The following TAFA4 variants were observed in gnomAD, a reference collection of about 807,000 sequenced individuals.
TAFA4 encodes chemokine-like protein TAFA-4.
TAFA4 carries 20 observed loss-of-function variants against 21.1 expected under a neutral mutation model. That is an observed-to-expected ratio of 0.95 (90% CI 0.67 to 1.38). The LOEUF (loss-of-function observed/expected upper bound fraction) is 1.38. TAFA4 is among the 40% of genes most tolerant of loss of function. TAFA4 has a pLI of 0.00. For missense variants in TAFA4, 211 were observed against 180.9 expected (o/e 1.17, Z -0.95); for synonymous variants, 71 against 67.4 (o/e 1.05, Z -0.26).
intron 1 of TAFA4, among the ~76,000 whole-genome samples, chr3:68,901,941 G>A (rs531466797): frequency 1.1e-4 from 16 of 152,272 alleles, no homozygotes; most frequent in East Asian, 5.8e-4. Context: ...ACCAGGGTCC[G>A]TCCAATGTTC....
At chr3:68,735,706 T>C (rs1271968453) in intron 5 of TAFA4, among the ~76,000 whole-genome samples, 1 of 152,032 alleles carries the variant, frequency 6.6e-6, no homozygotes, top group Admixed American at 6.6e-5. Context: ...AATTTTCCAA[T>C]ATGAAATATT....
rs1326480650 is a variant in TAFA4, at chr3:68,907,863, GTAAGCATCA to G, written c.-122-22562_-122-22554del. Among the ~76,000 whole-genome samples the G allele has an allele frequency of 3.9e-5, 6 of 152,346 alleles. No individual in the cohort carries two copies. In the East Asian group the frequency reaches 1.2e-3, roughly 29 times the overall value. On this transcript the variant is annotated intron_variant, in intron 1 of 5. Transcript: ENST00000295569. ...TACAAGTTGTGCCAATCACATATCA[GTAAGCATCA>G]TGCCAATCCCAGACAGACTGCTGTA...
chr3:68,758,379 G>C (rs1445097101), intron 3 of TAFA4, among the ~76,000 whole-genome samples: 1 of 152,182 alleles, frequency 6.6e-6, no homozygotes, highest in Non-Finnish European at 1.5e-5. Context: ...GGAGGTAATT[G>C]ACTCATGGGC....
At chr3:68,780,746 C>A (rs1449340623) in intron 3 of TAFA4, among the ~76,000 whole-genome samples, 1 of 152,084 alleles carries the variant, frequency 6.6e-6, no homozygotes, top group Admixed American at 6.5e-5. Context: ...AATACAGAGA[C>A]CTTAAAACTT....
At chr3:68,797,225 A>C (rs1452236777) in intron 3 of TAFA4, among the ~76,000 whole-genome samples, 2 of 152,218 alleles carry the variant, frequency 1.3e-5, no homozygotes, top group Non-Finnish European at 2.9e-5. Flanking sequence ...TTATTGCAAT[A>C]GCCAAAAGAC....
At chr3:68,784,508 G>A (rs531157455) in intron 3 of TAFA4, among the ~76,000 whole-genome samples, 200 of 152,146 alleles carry the variant, frequency 1.3e-3, no homozygotes, top group African/African-American at 4.4e-3. Context: ...CAGCTCTTAA[G>A]GCGGTGCCTC....
chr3:68,914,614 G>A (rs554251269), intron 1 of TAFA4, among the ~76,000 whole-genome samples: 10 of 152,236 alleles, frequency 6.6e-5, no homozygotes, highest in East Asian at 1.9e-4. Flanking sequence ...CATCAAACTC[G>A]TTATTAAGAT....
At chr3:68,753,139 G>T in intron 3 of TAFA4, 121 bp from the exon 4 acceptor site, 2 of 832,508 alleles carry the variant, frequency 2.4e-6, no homozygotes, top group Non-Finnish European at 3.7e-6. Flanking sequence ...ATGAGTCTTT[G>T]TAACATTTTA....
chr3:68,761,339 CA>C (rs530320825), intron 3 of TAFA4, among the ~76,000 whole-genome samples: 8,568 of 144,852 alleles, frequency 0.059, 275 homozygotes, highest in Middle Eastern at 0.072. Flanking sequence ...AAAAAATGAG[CA>C]AAAAAAAAAA....
chr3:68,931,365 G>T (rs2090156284), intron 1 of TAFA4, among the ~76,000 whole-genome samples: 1 of 152,178 alleles, frequency 6.6e-6, no homozygotes, highest in African/African-American at 2.4e-5. Flanking sequence ...CTTAGGAGCT[G>T]ATTCACAGCT....
chr3:68,790,951 G>A (rs929135681), intron 3 of TAFA4, among the ~76,000 whole-genome samples: 2 of 152,168 alleles, frequency 1.3e-5, no homozygotes, highest in African/African-American at 4.8e-5. Flanking sequence ...TAAGGCAAAC[G>A]TGGATGGATG....
intron 3 of TAFA4, among the ~76,000 whole-genome samples, chr3:68,770,059 A>C (rs944233615): frequency 2.0e-5 from 3 of 152,132 alleles, no homozygotes; most frequent in Non-Finnish European, 4.4e-5. Context: ...ACTATGCCCA[A>C]CCTCCAAGCC....
At chr3:68,920,318 T>C (rs1483962377) in intron 1 of TAFA4, among the ~76,000 whole-genome samples, 1 of 152,230 alleles carries the variant, frequency 6.6e-6, no homozygotes, top group East Asian at 1.9e-4. Flanking sequence ...TTAGTAACCA[T>C]ACATAACTAA....
At chr3:68,790,058 AT>A (rs1334787675) in intron 3 of TAFA4, among the ~76,000 whole-genome samples, 1 of 152,234 alleles carries the variant, frequency 6.6e-6, no homozygotes, top group African/African-American at 2.4e-5. Context: ...GTTCTTAAAA[AT>A]ATGTATAACT....
intron 3 of TAFA4, among the ~76,000 whole-genome samples, chr3:68,857,113 T>A (rs917723811): frequency 6.6e-6 from 1 of 152,206 alleles, no homozygotes; most frequent in Non-Finnish European, 1.5e-5. Context: ...TTCCTGAGCA[T>A]TCTTGTTATC....
chr3:68,868,804 A>G (rs1360110827), intron 3 of TAFA4, among the ~76,000 whole-genome samples: 3 of 151,944 alleles, frequency 2.0e-5, no homozygotes, highest in African/African-American at 7.2e-5. Flanking sequence ...AACAAGTTCA[A>G]ATAAACAATG....
intron 1 of TAFA4, among the ~76,000 whole-genome samples, chr3:68,928,387 C>G (rs2090129063): frequency 6.6e-6 from 1 of 152,110 alleles, no homozygotes. Context: ...TTTATAGCAA[C>G]TAAAAGGCAC....
chr3:68,759,155 A>G (rs1277990332), intron 3 of TAFA4, among the ~76,000 whole-genome samples: 1 of 152,232 alleles, frequency 6.6e-6, no homozygotes, highest in Non-Finnish European at 1.5e-5. Context: ...TCAGGCAGGA[A>G]GAATTCTCTC....
intron 3 of TAFA4, among the ~76,000 whole-genome samples, chr3:68,800,304 AATAATCCAGCACTATGAG>A (rs1703549047): frequency 6.6e-6 from 1 of 152,178 alleles, no homozygotes; most frequent in South Asian, 2.1e-4. Context: ...CAGCCCTGCC[AATAATCCAGCACTATGAG>A]ATGATAAATT....
Sources: gnomAD v4.1 joint callset for allele counts (sites outside exome capture counted in the v4.1 genomes callset) on GRCh38, gnomAD v4.1.1 for gene constraint, MANE v1.5 for transcripts, NCBI Gene and HGNC (gene_info 2026-07-23, HGNC 2026-07-21) for gene names.